HNRNPU: variants seen among roughly 807,000 people sequenced by gnomAD.
HNRNPU encodes the protein HNRNPU antisense RNA 1.
A neutral mutation model predicts 94.7 loss-of-function variants in HNRNPU; 5 were observed. The ratio of observed to expected loss-of-function variants is 0.05; its 90% confidence interval spans 0.03 to 0.11. The LOEUF is 0.11. HNRNPU is among the 10% of genes least tolerant of loss of function. The pLI is 1.00. For synonymous variants in HNRNPU, 434 were observed against 381.6 expected (o/e 1.14, Z -1.60); for missense variants, 710 against 1,049.2 (o/e 0.68, Z 4.47).
chr1:244,862,559 T>C, intron 2 of HNRNPU, 25 bp from the exon 3 acceptor site: 4 of 1,611,800 alleles, frequency 2.5e-6, no homozygotes, highest in African/African-American at 1.3e-5. Flanking sequence ...TGTCTCCTGA[T>C]ACAGCTTTCC....
intron 13 of HNRNPU, 109 bp downstream of exon 13, chr1:244,854,864 T>C (rs1680638129): frequency 3.2e-6 from 3 of 923,596 alleles, no homozygotes; most frequent in South Asian, 2.8e-5. Context: ...TTTACCCTAT[T>C]AACACTTATA....
chr1:244,851,619 CTTTATT>C lies in HNRNPU; in HGVS notation c.*2825_*2830del, dbSNP rs916160142. 5.9e-5 allele frequency: 9 copies of C among 152,228 alleles called. No individual in the cohort carries two copies. The highest frequency in any genetic ancestry group is 1.4e-4 in the African/African-American group (6 of 41,538). 9.4% of individuals were successfully genotyped at this position (152,228 alleles called of 1,614,324 possible). A position where few individuals can be genotyped will look rare whatever the true frequency, so the allele number is the denominator to read the frequency against. On this transcript the variant is annotated 3_prime_UTR_variant, in exon 14 of 14. Coordinates refer to ENST00000640218, the MANE Select transcript of HNRNPU (RefSeq NM_031844.3). ...AGTGCTCAGAACATCTAGGTTCAGT[CTTTATT>C]TTTAAGACAGTATCTATCCTAGGCA...
intron 12 of HNRNPU, 26 bp downstream of exon 12, chr1:244,855,398 T>C (rs1182338330): frequency 1.2e-6 from 2 of 1,606,254 alleles, no homozygotes; most frequent in East Asian, 2.2e-5. Flanking sequence ...TTATCAATCA[T>C]GCTTCCAGGG....
rs920026239 is a variant in HNRNPU at position 244,862,901 on chromosome 1, G to A, written c.692-171C>T. On this transcript the variant is annotated intron_variant, in intron 1 of 13. Transcript: ENST00000640218. Reference sequence around the variant, plus strand: ...TCAACTACGAATTCGATTGGCGCTAGTGACGCAGTCTAAAGACATTACTAA... The same window carrying A: ...TCAACTACGAATTCGATTGGCGCTAATGACGCAGTCTAAAGACATTACTAA... The A allele has an allele frequency of 4.7e-6, 3 of 642,622 alleles. No individual in the cohort carries two copies. The African/African-American group carries it at 5.5e-5, about 12-fold the overall frequency. 39.8% of individuals were successfully genotyped at this position (642,622 alleles called of 1,614,324 possible). A position where few individuals can be genotyped will look rare whatever the true frequency, so the allele number is the denominator to read the frequency against.
Position 244,854,357 on chromosome 1 carries a change from T to C in HNRNPU, c.*93A>G. On this transcript the variant is annotated 3_prime_UTR_variant, in exon 14 of 14. Transcript: ENST00000640218. ...AGGAACCCGCAGGCACTTCCTCTTG[T>C]GGAATGTTTAAAAAGTTAGCCTACT... 1 of 858,190 alleles carries C rather than the reference T, an allele frequency of 1.2e-6. No individual in the cohort carries two copies. Among genetic ancestry groups the C allele is most frequent in the Non-Finnish European group, 2.0e-6 (1 of 506,726 alleles). 53.2% of individuals were successfully genotyped at this position (858,190 alleles called of 1,614,324 possible). A position where few individuals can be genotyped will look rare whatever the true frequency, so the allele number is the denominator to read the frequency against.
At chr1:244,861,333 G>C (rs922847888) in intron 3 of HNRNPU, 1 of 152,290 alleles carries the variant, frequency 6.6e-6, no homozygotes, top group East Asian at 1.9e-4. Flanking sequence ...ACATATTCCT[G>C]ATTTGCTAAA....
At chr1:244,863,455 C>A (rs1328554850) in intron 1 of HNRNPU, among the ~76,000 whole-genome samples, 162 bp downstream of exon 1, 1 of 150,872 alleles carries the variant, frequency 6.6e-6, no homozygotes, top group African/African-American at 2.4e-5. Context: ...GAGCCCGAGG[C>A]CTCTCGGCTA....
Position 244,864,470 on chromosome 1 carries a change from C to T in HNRNPU, c.-163G>A. 8 of 1,231,366 alleles carry T rather than the reference C, an allele frequency of 6.5e-6. No individual in the cohort carries two copies. The highest frequency in any genetic ancestry group is 8.8e-6 in the Non-Finnish European group (8 of 907,752). The allele number at this position is 1,231,366 out of a possible 1,614,324, so 76.3% of individuals were successfully genotyped here. Reference sequence around the variant, plus strand: ...AGCGGATCCGCCTGGTGTCGAACGGCGCCAATTCCTTTCACCGAGTTCGCG... The same window carrying T: ...AGCGGATCCGCCTGGTGTCGAACGGTGCCAATTCCTTTCACCGAGTTCGCG... On this transcript the variant is annotated 5_prime_UTR_variant, in exon 1 of 14. Coordinates refer to ENST00000640218, the MANE Select transcript of HNRNPU (RefSeq NM_031844.3).
In HNRNPU at chr1:244,854,510, G is replaced by A. The variant is rs747537573; in HGVS notation, c.2425-7C>T. The A allele has an allele frequency of 9.4e-6, 15 of 1,599,430 alleles. No individual in the cohort carries two copies. The highest frequency in any genetic ancestry group is 6.7e-5 in the Admixed American group (4 of 59,416). ...GCTTCTGACCCCAGAATTGCTGTAA[G>A]AGAAAATTTTGTTTTTAAAGAAAAA... On this transcript the variant is annotated splice_region_variant and splice_polypyrimidine_tract_variant and intron_variant, in intron 13 of 13. Transcript: ENST00000640218.
At chr1:244,863,098 C>A (rs1680887713) in intron 1 of HNRNPU, 2 of 210,226 alleles carry the variant, frequency 9.5e-6, no homozygotes, top group South Asian at 2.1e-4. Context: ...TTGTACTGAT[C>A]TTCCGCCCCC....
intron 8 of HNRNPU, 44 bp from the exon 9 acceptor site, chr1:244,856,900 A>C (rs768958294): frequency 6.6e-7 from 1 of 1,519,270 alleles, no homozygotes; most frequent in Non-Finnish European, 8.9e-7. Flanking sequence ...TGTGAATTTT[A>C]ATAAGTTATG....
chr1:244,858,933 A>G (rs576578036), intron 5 of HNRNPU, 92 bp from the exon 6 acceptor site: 119 of 661,004 alleles, frequency 1.8e-4, no homozygotes, highest in African/African-American at 1.5e-3. Flanking sequence ...TACAAGAGAA[A>G]TAAGCATATA....
Position 244,864,332 on chromosome 1 carries a change from G to A in HNRNPU, c.-25C>T. 8 of 1,607,908 alleles carry A rather than the reference G, an allele frequency of 5.0e-6. No individual in the cohort carries two copies. The highest frequency in any genetic ancestry group is 5.9e-6 in the Non-Finnish European group (7 of 1,178,560). On this transcript the variant is annotated 5_prime_UTR_variant, in exon 1 of 14. Coordinates refer to ENST00000640218, the MANE Select transcript of HNRNPU (RefSeq NM_031844.3). ...TGGTGAGGGCCCCGATTCACCGCTA[G>A]GCGCTGCCTCAAACTCGGCTCCGCT... is the stretch of plus-strand genomic sequence containing the variant.
chr1:244,855,048 C>A lies in HNRNPU; in HGVS notation c.2353-4G>T. 1 of 1,612,120 alleles carries A rather than the reference C, an allele frequency of 6.2e-7. No homozygotes were observed. Among genetic ancestry groups the A allele is most frequent in the Non-Finnish European group, 8.5e-7 (1 of 1,178,266 alleles). On this transcript the variant is annotated splice_region_variant and splice_polypyrimidine_tract_variant and intron_variant, in intron 12 of 13. Coordinates refer to ENST00000640218, the MANE Select transcript of HNRNPU (RefSeq NM_031844.3). ...TGTTTCCTCGTCCTCTGAAGTTCTA[C>A]AAAAAGGAAATACTCTCTAAGAGCT...
Position 244,863,705 on chromosome 1 carries a change from G to A in HNRNPU, c.603C>T (p.Pro201=), listed in dbSNP as rs759371036. 9 of 1,563,772 alleles carry A rather than the reference G, an allele frequency of 5.8e-6. No individual in the cohort carries two copies. Among genetic ancestry groups the A allele is most frequent in the African/African-American group, 5.6e-5 (4 of 71,702 alleles). ...TSLFAVTVAP[P]GARQGQQQAG... is the part of the protein sequence containing the mutation. ...CCTGCTGCTGGCCCTGCCTCGCCCCGGGCGGCGCCACCGTCACCGCGAACA... is the reference window on the plus strand; with the variant it reads ...CCTGCTGCTGGCCCTGCCTCGCCCCAGGCGGCGCCACCGTCACCGCGAACA... Residue 201 remains proline (P), a synonymous_variant, in exon 1 of 14, where the codon CCC becomes CCT. Coordinates refer to ENST00000640218, the MANE Select transcript of HNRNPU (RefSeq NM_031844.3).
intron 7 of HNRNPU, 115 bp from the exon 8 acceptor site, chr1:244,857,832 G>A: frequency 7.1e-7 from 1 of 1,405,816 alleles, no homozygotes; most frequent in South Asian, 1.4e-5. Flanking sequence ...TACACTAACG[G>A]ACAAAAATTT....
Position 244,852,185 on chromosome 1 carries a change from C to T in HNRNPU, c.*2265G>A, listed in dbSNP as rs1267992923. On this transcript the variant is annotated 3_prime_UTR_variant, in exon 14 of 14. Transcript: ENST00000640218. ...CCCTGTTGCTTATTTGGTACATTCCCTTCTCTGAATTCCTTAAACACTTTA... is the reference window on the plus strand; with the variant it reads ...CCCTGTTGCTTATTTGGTACATTCCTTTCTCTGAATTCCTTAAACACTTTA... 1 of 152,166 alleles carries T rather than the reference C, an allele frequency of 6.6e-6. No homozygotes were observed. The highest frequency in any genetic ancestry group is 1.5e-5 in the Non-Finnish European group (1 of 68,022). The allele number at this position is 152,166 out of a possible 1,614,324, so 9.4% of individuals were successfully genotyped here.
At position 244,856,569 on chromosome 1, in the gene HNRNPU, C is replaced by T. The variant is rs749296646; in HGVS notation, c.1800G>A (p.Gln600=). Reference sequence around the variant, plus strand: ...TTGGGCAAACTACAACAGCTTTTCGCTGGAAGCCTGCAAACAGGCACATTT... The same window carrying T: ...TTGGGCAAACTACAACAGCTTTTCGTTGGAAGCCTGCAAACAGGCACATTT... The part of the protein sequence containing the change: ...RRKMCLFAGF[Q]RKAVVVCPKD... Residue 600 remains glutamine (Q), a synonymous_variant, in exon 10 of 14, where the codon CAG becomes CAA. Coordinates refer to ENST00000640218, the MANE Select transcript of HNRNPU (RefSeq NM_031844.3). 3 of 1,614,118 alleles carry T rather than the reference C, an allele frequency of 1.9e-6. No homozygotes were observed. The highest frequency in any genetic ancestry group is 2.5e-6 in the Non-Finnish European group (3 of 1,180,004).
Position 244,854,162 on chromosome 1 carries a change from T to TAA in HNRNPU, c.*286_*287dup, listed in dbSNP as rs769259590. On this transcript the variant is annotated 3_prime_UTR_variant, in exon 14 of 14. Transcript: ENST00000640218. The stretch of plus-strand genomic sequence containing the variant: ...AAGCAACATTTTACTTCTGTTGTGA[T>TAA]AAAAAAAAAAAAAAGTCACATTTTA... 1,195 of 235,576 alleles carry TAA rather than the reference T, an allele frequency of 5.1e-3. 1 individual carries two copies. The highest frequency in any genetic ancestry group is 0.014 in the Middle Eastern group (10 of 710). 14.6% of individuals were successfully genotyped at this position (235,576 alleles called of 1,614,324 possible).
Sources: gnomAD v4.1 joint callset for allele counts (sites outside exome capture counted in the v4.1 genomes callset) on GRCh38, gnomAD v4.1.1 for gene constraint, MANE v1.5 for transcripts, NCBI Gene and HGNC (gene_info 2026-07-23, HGNC 2026-07-21) for gene names.